The following TMEM108 variants were observed in gnomAD, a reference collection of about 807,000 sequenced individuals.
TMEM108 encodes cancer/testis antigen 124.
In TMEM108, 12 loss-of-function variants were observed where a neutral mutation model predicts 35.1. That is an observed-to-expected ratio of 0.34 (90% confidence interval 0.22 to 0.55). TMEM108 has a LOEUF of 0.55. TMEM108 is among the 20% of genes least tolerant of loss of function. The pLI is 0.89. For synonymous variants in TMEM108, 287 were observed against 308.6 expected, an observed-to-expected ratio of 0.93 and a Z score of 0.73; for missense variants, 680 against 753.3, an observed-to-expected ratio of 0.90 and a Z score of 1.14.
chr3:133,179,640 A>C (rs1945298941), intron 2 of TMEM108, among the ~76,000 whole-genome samples: 1 of 148,432 alleles, frequency 6.7e-6, no homozygotes, highest in Non-Finnish European at 1.5e-5. Context: ...GGAACATCAC[A>C]CACTGGGGCC....
intron 2 of TMEM108, among the ~76,000 whole-genome samples, chr3:133,153,080 AATTTG>A (rs1163408566): frequency 7.9e-5 from 12 of 152,250 alleles, no homozygotes; most frequent in Admixed American, 4.6e-4. Flanking sequence ...AAGAAAATCA[AATTTG>A]ATTTGTGCAG....
At chr3:133,288,653 A>G (rs1210377916) in intron 3 of TMEM108, among the ~76,000 whole-genome samples, 1 of 152,216 alleles carries the variant, frequency 6.6e-6, no homozygotes, top group Non-Finnish European at 1.5e-5. Context: ...TTGAGTGTTT[A>G]TATATAATAC....
chr3:133,252,809 G>A (rs1208552347), intron 3 of TMEM108, among the ~76,000 whole-genome samples: 1 of 152,128 alleles, frequency 6.6e-6, no homozygotes, highest in African/African-American at 2.4e-5. Flanking sequence ...TGCATACAGT[G>A]TTCAAAGAAA....
chr3:133,362,523 A>T (rs2107796145), intron 3 of TMEM108, among the ~76,000 whole-genome samples: 1 of 152,344 alleles, frequency 6.6e-6, no homozygotes, highest in Non-Finnish European at 1.5e-5. Flanking sequence ...ACTGAAGACC[A>T]AGGGCAAATT....
intron 3 of TMEM108, among the ~76,000 whole-genome samples, chr3:133,292,064 G>A (rs1576436600): frequency 6.6e-6 from 1 of 152,198 alleles, no homozygotes. Context: ...CCATGAATTT[G>A]TATTCTTAAG....
chr3:133,112,833 G>GT, intron 2 of TMEM108, among the ~76,000 whole-genome samples: 1 of 152,236 alleles, frequency 6.6e-6, no homozygotes, highest in African/African-American at 2.4e-5. Context: ...ATAAAGTGAC[G>GT]TAAGTGTTCT....
At chr3:133,109,146 G>A (rs1282535846) in intron 2 of TMEM108, among the ~76,000 whole-genome samples, 5 of 151,986 alleles carry the variant, frequency 3.3e-5, no homozygotes, top group African/African-American at 1.2e-4. Context: ...AGAGTCCAGA[G>A]GTGAAAGTGC....
intron 2 of TMEM108, among the ~76,000 whole-genome samples, chr3:133,225,449 T>C (rs759603551): frequency 2.0e-5 from 3 of 152,250 alleles, no homozygotes; most frequent in South Asian, 2.1e-4. Context: ...AAAAAAGTCA[T>C]TGAGCTGTTG....
At chr3:133,245,069 G>C (rs1301111229) in intron 3 of TMEM108, among the ~76,000 whole-genome samples, 1 of 152,120 alleles carries the variant, frequency 6.6e-6, no homozygotes, top group East Asian at 1.9e-4. Context: ...TAATTTTCTA[G>C]GACAGGACTT....
intron 3 of TMEM108, among the ~76,000 whole-genome samples, chr3:133,315,993 G>A (rs965359983): frequency 2.6e-5 from 4 of 152,116 alleles, no homozygotes; most frequent in African/African-American, 4.8e-5. Context: ...AACCAGAGAC[G>A]ACTTAAAGCC....
intron 3 of TMEM108, among the ~76,000 whole-genome samples, chr3:133,273,875 G>A (rs751309134): frequency 6.6e-6 from 1 of 152,140 alleles, no homozygotes; most frequent in Non-Finnish European, 1.5e-5. Flanking sequence ...AGGGTCAGGC[G>A]TAACAGTCAG....
chr3:133,210,332 C>G (rs933611023), intron 2 of TMEM108, among the ~76,000 whole-genome samples: 4 of 152,140 alleles, frequency 2.6e-5, no homozygotes, highest in Non-Finnish European at 2.9e-5. Flanking sequence ...TTGCTGTGTT[C>G]CTCCATTGTT....
chr3:133,074,617 G>A (rs1021502866), intron 2 of TMEM108, among the ~76,000 whole-genome samples: 5 of 152,196 alleles, frequency 3.3e-5, no homozygotes, highest in Admixed American at 2.6e-4. Context: ...AGCCTCCTGA[G>A]TAGCTGGGAT....
At chr3:133,395,808 TG>T in intron 5 of TMEM108, 55 bp from the exon 6 acceptor site, 1 of 1,457,300 alleles carries the variant, frequency 6.9e-7, no homozygotes, top group Non-Finnish European at 9.1e-7. Context: ...TCTTTAAGAA[TG>T]GCCACCTCTT....
chr3:133,242,582 G>A (rs566543521), intron 3 of TMEM108, among the ~76,000 whole-genome samples: 12 of 152,244 alleles, frequency 7.9e-5, no homozygotes, highest in African/African-American at 2.6e-4. Flanking sequence ...GAGGTGAGAT[G>A]CACACTGATG....
intron 3 of TMEM108, among the ~76,000 whole-genome samples, chr3:133,352,605 G>A (rs1290327635): frequency 6.6e-6 from 1 of 152,192 alleles, no homozygotes; most frequent in African/African-American, 2.4e-5. Flanking sequence ...TGCTTGAACA[G>A]CTTACAGAAT....
intron 3 of TMEM108, among the ~76,000 whole-genome samples, chr3:133,297,606 G>A (rs945076596): frequency 2.0e-5 from 3 of 152,140 alleles, no homozygotes; most frequent in Admixed American, 1.3e-4. Flanking sequence ...TAAGGCCAGG[G>A]AACTTTAAGT....
intron 3 of TMEM108, among the ~76,000 whole-genome samples, chr3:133,242,949 C>G (rs1308717231): frequency 6.6e-6 from 1 of 152,202 alleles, no homozygotes; most frequent in Non-Finnish European, 1.5e-5. Context: ...TTTGAAATTC[C>G]TTGGTTAGAT....
chr3:133,375,021 C>T (rs1576521949), intron 3 of TMEM108, among the ~76,000 whole-genome samples: 1 of 152,236 alleles, frequency 6.6e-6, no homozygotes, highest in Non-Finnish European at 1.5e-5. Flanking sequence ...TCCTGTACCT[C>T]TCTGTGCTTC....
Sources: gnomAD v4.1 joint callset for allele counts (sites outside exome capture counted in the v4.1 genomes callset) on GRCh38, gnomAD v4.1.1 for gene constraint, MANE v1.5 for transcripts, NCBI Gene and HGNC (gene_info 2026-07-23, HGNC 2026-07-21) for gene names.